ROBO1: variants seen among roughly 807,000 people sequenced by gnomAD.
ROBO1 encodes the protein roundabout guidance receptor 1.
In ROBO1, 149 loss-of-function variants were observed where a neutral mutation model predicts 195.9. The ratio of observed to expected loss-of-function variants is 0.76; its 90% CI spans 0.67 to 0.87. ROBO1 has a LOEUF of 0.87. Ranked by LOEUF, ROBO1 falls within the 40% of genes least tolerant of loss-of-function variation. The pLI is 0.00. For missense variants in ROBO1, 1,933 were observed against 2,068.3 expected, an observed-to-expected ratio of 0.93 and a Z score of 1.27; for synonymous variants, 816 against 733.2, an observed-to-expected ratio of 1.11 and a Z score of -1.82.
intron 8 of ROBO1, among the ~76,000 whole-genome samples, chr3:78,706,518 T>C (rs2081556113): frequency 6.6e-6 from 1 of 151,788 alleles, no homozygotes; most frequent in Non-Finnish European, 1.5e-5. Flanking sequence ...TTAAAACAAT[T>C]TTTTTTTAAC....
At chr3:78,831,566 TCCTA>T (rs904784011) in intron 4 of ROBO1, among the ~76,000 whole-genome samples, 4 of 152,322 alleles carry the variant, frequency 2.6e-5, no homozygotes, top group African/African-American at 7.2e-5. Context: ...TAGCAGATTA[TCCTA>T]CCTATCAGAA....
intron 1 of ROBO1, among the ~76,000 whole-genome samples, chr3:79,645,637 T>C (rs1396602329): frequency 6.6e-6 from 1 of 152,132 alleles, no homozygotes; most frequent in Non-Finnish European, 1.5e-5. Flanking sequence ...ACACTTTATA[T>C]TGAACCGTAA....
intron 1 of ROBO1, among the ~76,000 whole-genome samples, chr3:79,659,291 A>G (rs1012437897): frequency 1.3e-5 from 2 of 152,104 alleles, no homozygotes; most frequent in South Asian, 2.1e-4. Flanking sequence ...TCAGAACTTC[A>G]TCTGATATAC....
rs577797903 is a variant in ROBO1 at position 79,488,652 on chromosome 3, T to A, written c.88+101172A>T. On this transcript the variant is annotated intron_variant, in intron 2 of 30. Coordinates refer to ENST00000464233, the MANE Select transcript of ROBO1 (RefSeq NM_002941.4). ...ATACCATACAATATTTTCAAACTCA[T>A]TAGGAAAATTGACATCTTTTTCACT... is the stretch of plus-strand genomic sequence containing the variant. Among the ~76,000 whole-genome samples, 3 of 152,280 alleles carry A rather than the reference T, an allele frequency of 2.0e-5. No individual in the cohort carries two copies. The South Asian group carries it at 6.2e-4, about 32-fold the overall frequency.
At chr3:79,751,614 A>G (rs1704134544) in intron 1 of ROBO1, among the ~76,000 whole-genome samples, 1 of 152,182 alleles carries the variant, frequency 6.6e-6, no homozygotes, top group African/African-American at 2.4e-5. Flanking sequence ...GTACAAGTGA[A>G]GTATAAGATC....
intron 10 of ROBO1, 37 bp from the exon 11 acceptor site, chr3:78,670,338 C>A: frequency 6.5e-7 from 1 of 1,530,086 alleles, no homozygotes. Context: ...ATTTCTGCAA[C>A]TGGAAGCAAT....
At chr3:79,062,108 A>G (rs1017978720) in intron 3 of ROBO1, among the ~76,000 whole-genome samples, 1 of 152,088 alleles carries the variant, frequency 6.6e-6, no homozygotes, top group Admixed American at 6.6e-5. Context: ...CCATCTCACA[A>G]AGGGCTAATA....
At chr3:78,759,446 T>C (rs1227138698) in intron 4 of ROBO1, 1 of 151,046 alleles carries the variant, frequency 6.6e-6, no homozygotes, top group African/African-American at 2.4e-5. Context: ...CCTCCAAAGG[T>C]TCTATTTTAC....
chr3:79,504,671 ATTACT>A (rs1368896338), intron 2 of ROBO1, among the ~76,000 whole-genome samples: 1 of 152,276 alleles, frequency 6.6e-6, no homozygotes, highest in East Asian at 1.9e-4. Context: ...TTATCTCTTA[ATTACT>A]TTAGTGTATT....
intron 2 of ROBO1, among the ~76,000 whole-genome samples, chr3:79,330,271 A>G (rs1317811708): frequency 7.5e-5 from 9 of 119,604 alleles, no homozygotes; most frequent in African/African-American, 3.2e-4. Flanking sequence ...ATGTATATAT[A>G]TGTATATATA....
At position 79,696,847 on chromosome 3, in the gene ROBO1, A is replaced by G. The variant is rs190277364; in HGVS notation, c.-51+70905T>C. Among the ~76,000 whole-genome samples the G allele has an allele frequency of 2.4e-3, 357 of 151,592 alleles. 1 individual carries two copies. Among genetic ancestry groups the G allele is most frequent in the African/African-American group, 8.5e-3 (351 of 41,484 alleles). ...ACCAAGATTATATAAAGTCAATATCACCTTCTAATGTATTGACTGGGAAGT... is the reference window on the plus strand; with the variant it reads ...ACCAAGATTATATAAAGTCAATATCGCCTTCTAATGTATTGACTGGGAAGT... On this transcript the variant is annotated intron_variant, in intron 1 of 30. Transcript: ENST00000464233.
At chr3:78,894,714 A>G (rs913732152) in intron 4 of ROBO1, among the ~76,000 whole-genome samples, 16 of 152,216 alleles carry the variant, frequency 1.1e-4, no homozygotes, top group South Asian at 4.1e-4. Context: ...CAAAATAAGA[A>G]TCCGTGCTGT....
rs553881655 is a variant in ROBO1 at position 79,193,854 on chromosome 3, C to A, written c.89-68315G>T. Among the ~76,000 whole-genome samples, 190 of 151,302 alleles carry A rather than the reference C, an allele frequency of 1.3e-3. 7 individuals carry two copies. The South Asian group carries it at 0.038, about 31-fold the overall frequency. On this transcript the variant is annotated intron_variant, in intron 2 of 30. Transcript: ENST00000464233. ...ACAAACAGAAAAGTTTAGCCAGAAA[C>A]ATAAAAAACACAAGAGTCTACAATT...
chr3:78,628,370 G>A (rs1433670233), intron 25 of ROBO1, among the ~76,000 whole-genome samples: 2 of 152,034 alleles, frequency 1.3e-5, no homozygotes, highest in African/African-American at 2.4e-5. Flanking sequence ...TATTTCTTCA[G>A]CTGAAAACAA....
At chr3:78,903,821 T>C (rs1388317911) in intron 4 of ROBO1, among the ~76,000 whole-genome samples, 1 of 152,130 alleles carries the variant, frequency 6.6e-6, no homozygotes, top group African/African-American at 2.4e-5. Flanking sequence ...CTTAAATCTC[T>C]TAGGCTGCAT....
At chr3:79,260,389 G>T (rs551111427) in intron 2 of ROBO1, among the ~76,000 whole-genome samples, 12 of 151,990 alleles carry the variant, frequency 7.9e-5, no homozygotes, top group Middle Eastern at 6.8e-3. Flanking sequence ...TATCTACGTT[G>T]TATATCTGCA....
intron 3 of ROBO1, among the ~76,000 whole-genome samples, chr3:79,051,573 C>G (rs915906008): frequency 1.2e-4 from 19 of 152,276 alleles, no homozygotes; most frequent in Admixed American, 1.0e-3. Context: ...CAGTATCATC[C>G]TGACACCAAA....
intron 26 of ROBO1, among the ~76,000 whole-genome samples, chr3:78,624,921 T>G (rs1704669415): frequency 6.6e-6 from 1 of 151,916 alleles, no homozygotes; most frequent in Admixed American, 6.6e-5. Flanking sequence ...TGTTGATGAG[T>G]TTCAGGCAAA....
At chr3:79,041,354 A>G (rs1215467503) in intron 3 of ROBO1, among the ~76,000 whole-genome samples, 3 of 152,130 alleles carry the variant, frequency 2.0e-5, no homozygotes, top group African/African-American at 7.2e-5. Context: ...CAAGACTTGG[A>G]GATTTCTCTT....
Sources: gnomAD v4.1 joint callset for allele counts (sites outside exome capture counted in the v4.1 genomes callset) on GRCh38, gnomAD v4.1.1 for gene constraint, MANE v1.5 for transcripts, NCBI Gene and HGNC (gene_info 2026-07-23, HGNC 2026-07-21) for gene names.